PFKP: variants seen among roughly 807,000 people sequenced by gnomAD.
The protein encoded by PFKP is ATP-dependent 6-phosphofructokinase, platelet type.
Under a neutral mutation model 94.3 loss-of-function variants are expected in PFKP, and 101 were observed. The observed-to-expected ratio is 1.07, with a 90% CI of 0.91 to 1.26. The LOEUF (loss-of-function observed/expected upper bound fraction) is 1.26. Among genes scored for constraint, PFKP ranks in the 50% most tolerant of loss-of-function variants. The pLI, the probability that PFKP is intolerant of heterozygous loss-of-function variation, is 0.00. For missense variants in PFKP, 1,145 were observed against 1,103.3 expected, an observed-to-expected ratio of 1.04 and a Z score of -0.53; for synonymous variants, 573 against 432.6, an observed-to-expected ratio of 1.32 and a Z score of -4.03.
At chr10:3,102,823 G>A (rs1835149557) in intron 4 of PFKP, among the ~76,000 whole-genome samples, 1 of 152,238 alleles carries the variant, frequency 6.6e-6, no homozygotes, top group South Asian at 2.1e-4. Flanking sequence ...CCCCAGGTTT[G>A]TGAACATCCT....
intron 16 of PFKP, among the ~76,000 whole-genome samples, chr10:3,127,211 G>A (rs1371378443): frequency 6.6e-6 from 1 of 152,236 alleles, no homozygotes; most frequent in African/African-American, 2.4e-5. Flanking sequence ...TCCAGCAAAG[G>A]CGGCCTCTTC....
At position 3,131,412 on chromosome 10, in the gene PFKP, C is replaced by T. The variant is rs563127152; in HGVS notation, c.1849-968C>T. Among the ~76,000 whole-genome samples, 20 of 152,292 alleles carry T rather than the reference C, an allele frequency of 1.3e-4. 1 individual carries two copies. In the South Asian group the frequency reaches 1.4e-3, roughly 11 times the overall value. ...CTATCCAAAGATCCTGCCTCACCAG[C>T]GCTCAGCATGGCAAGGGCTTAAGAG... On this transcript the variant is annotated intron_variant, in intron 17 of 21. Transcript: ENST00000381125.
At chr10:3,074,562 G>A (rs1329066947) in intron 1 of PFKP, among the ~76,000 whole-genome samples, 1 of 152,184 alleles carries the variant, frequency 6.6e-6, no homozygotes, top group Non-Finnish European at 1.5e-5. Flanking sequence ...ATGGGGTGGG[G>A]CACGTGGCAG....
In PFKP at chr10:3,118,825, C is replaced by T. The variant is rs373660456; in HGVS notation, c.1486C>T (p.Arg496Cys). ...KYLEEIATQM[R>C]THSINALLII... ...CTTGGAAGAGATCGCCACACAGATG[C>T]GCACGCACAGCATCAACGCGCTGCT... The change falls in exon 15 of 22, where the codon CGC becomes TGC. Residue 496 changes from arginine to cysteine, a missense_variant. Arg to Cys is a radical substitution (Grantham distance 180). Transcript: ENST00000381125. The T allele has an allele frequency of 2.9e-5, 47 of 1,613,604 alleles. No homozygotes were observed. Among genetic ancestry groups the T allele is most frequent in the South Asian group, 2.3e-4 (21 of 90,984 alleles).
At chr10:3,121,715 T>C (rs1036786628) in intron 16 of PFKP, among the ~76,000 whole-genome samples, 1 of 151,476 alleles carries the variant, frequency 6.6e-6, no homozygotes, top group African/African-American at 2.4e-5. Context: ...CTTGGAGGGA[T>C]TGTGTGATTT....
chr10:3,081,386 G>A (rs1440552257), intron 1 of PFKP, among the ~76,000 whole-genome samples: 1 of 152,238 alleles, frequency 6.6e-6, no homozygotes, highest in Non-Finnish European at 1.5e-5. Context: ...AACATCACTG[G>A]CTTCATGGCC....
intron 4 of PFKP, among the ~76,000 whole-genome samples, chr10:3,102,950 A>C (rs1835162964): frequency 1.3e-5 from 2 of 152,220 alleles, no homozygotes; most frequent in Non-Finnish European, 2.9e-5. Context: ...AGTGGCCACA[A>C]GTCCGGGCCC....
At chr10:3,116,625 A>T in intron 13 of PFKP, 151 bp from the exon 14 acceptor site, 1 of 658,026 alleles carries the variant, frequency 1.5e-6, no homozygotes, top group Non-Finnish European at 2.8e-6. Flanking sequence ...ACCTTGATTC[A>T]TCCGGGCATC....
At chr10:3,111,618 T>A (rs1185055181) in intron 10 of PFKP, among the ~76,000 whole-genome samples, 2 of 152,016 alleles carry the variant, frequency 1.3e-5, no homozygotes, top group African/African-American at 4.8e-5. Flanking sequence ...TAGAGATAGC[T>A]GGAAGTAGGA....
chr10:3,068,610 G>T lies in PFKP; in HGVS notation c.112+903G>T, dbSNP rs1831921142. On this transcript the variant is annotated intron_variant, in intron 1 of 21. Coordinates refer to ENST00000381125, the MANE Select transcript of PFKP (RefSeq NM_002627.5). ...GGCCCGAGGCTGGGCCCACGGACGCGGGCGCGCCGGGAGGATATTTAACAT... is the reference window on the plus strand; with the variant it reads ...GGCCCGAGGCTGGGCCCACGGACGCTGGCGCGCCGGGAGGATATTTAACAT... 4.2e-6 allele frequency: 4 copies of T among 957,804 alleles called. No homozygotes were observed. The African/African-American group carries it at 5.3e-5, about 13-fold the overall frequency. The allele number at this position is 957,804 out of a possible 1,614,324, so 59.3% of individuals were successfully genotyped here.
intron 9 of PFKP, among the ~76,000 whole-genome samples, 200 bp from the exon 10 acceptor site, chr10:3,109,155 C>T (rs576050574): frequency 1.2e-4 from 19 of 152,340 alleles, no homozygotes; most frequent in Admixed American, 5.2e-4. Flanking sequence ...TCCTGCTCTC[C>T]ATGTGCCCTG....
intron 3 of PFKP, among the ~76,000 whole-genome samples, chr10:3,100,643 A>T (rs1437378321): frequency 1.3e-5 from 2 of 152,122 alleles, no homozygotes; most frequent in Non-Finnish European, 2.9e-5. Flanking sequence ...CTTGCTTGAC[A>T]AAGTCAGCAC....
At chr10:3,069,719 C>CA (rs377663897) in intron 1 of PFKP, among the ~76,000 whole-genome samples, 5,952 of 148,098 alleles carry the variant, frequency 0.04, 181 homozygotes, top group Non-Finnish European at 0.057. Context: ...TCTGTGTCTA[C>CA]AAAAAAAAAG....
chr10:3,076,655 G>T (rs1247006603), intron 1 of PFKP, among the ~76,000 whole-genome samples: 2 of 152,034 alleles, frequency 1.3e-5, no homozygotes, highest in African/African-American at 4.8e-5. Flanking sequence ...TCTCCTGATC[G>T]GAACAAGCTC....
Position 3,135,805 on chromosome 10 carries a change from C to A in PFKP, c.2192C>A (p.Pro731His). Reference sequence around the variant, plus strand: ...AGCAAAAGAAACGTTATTTTTCAACCTGTGGCAGAGCTGAAGAAGCAAACG... The same window carrying A: ...AGCAAAAGAAACGTTATTTTTCAACATGTGGCAGAGCTGAAGAAGCAAACG... ...GISKRNVIFQ[P>H]VAELKKQTDF... The change falls in exon 21 of 22, where the codon CCT becomes CAT. Residue 731 changes from proline (P) to histidine (H), a missense_variant. Around this residue, in one of 3 missense-constraint regions of PFKP, gnomAD observed 1,119 missense variants for 1,062.8 expected, o/e 1.05. Coordinates refer to ENST00000381125, the MANE Select transcript of PFKP (RefSeq NM_002627.5). 1 of 1,613,408 alleles carries A rather than the reference C, an allele frequency of 6.2e-7. No individual in the cohort carries two copies. Among genetic ancestry groups the A allele is most frequent in the Middle Eastern group, 1.7e-4 (1 of 6,060 alleles).
intron 1 of PFKP, among the ~76,000 whole-genome samples, chr10:3,072,163 A>T (rs1832246201): frequency 6.6e-6 from 1 of 152,266 alleles, no homozygotes; most frequent in Non-Finnish European, 1.5e-5. Flanking sequence ...CTTTAGAGGA[A>T]TTCAACCCTC....
chr10:3,117,683 G>A (rs920137568), intron 14 of PFKP, among the ~76,000 whole-genome samples: 13 of 152,116 alleles, frequency 8.5e-5, no homozygotes, highest in Non-Finnish European at 1.6e-4. Context: ...TGCCCTGGAC[G>A]GTAAAGCTCT....
chr10:3,119,672 A>T (rs1319392779), intron 15 of PFKP, among the ~76,000 whole-genome samples: 4 of 152,340 alleles, frequency 2.6e-5, no homozygotes, highest in Admixed American at 2.6e-4. Context: ...AGGTTTAGTC[A>T]TCTAACCGAT....
intron 15 of PFKP, among the ~76,000 whole-genome samples, chr10:3,119,135 T>C (rs1837133311): frequency 6.6e-6 from 1 of 152,096 alleles, no homozygotes; most frequent in Admixed American, 6.6e-5. Context: ...GCTCTTAATG[T>C]ATTTCAGGCC....
Sources: gnomAD v4.1 joint callset for allele counts (sites outside exome capture counted in the v4.1 genomes callset) on GRCh38, gnomAD v4.1.1 for gene constraint, gnomAD v4.1.1 regional missense constraint, MANE v1.5 for transcripts, NCBI Gene and HGNC (gene_info 2026-07-23, HGNC 2026-07-21) for gene names.